The following IMMP2L variants were observed in gnomAD, a reference collection of about 807,000 sequenced individuals.
IMMP2L encodes the protein inner mitochondrial membrane peptidase subunit 2.
IMMP2L carries 18 observed loss-of-function variants against 19.3 expected under a neutral mutation model. The observed-to-expected ratio is 0.93, with a 90% confidence interval of 0.64 to 1.38. The LOEUF (loss-of-function observed/expected upper bound fraction) is 1.38, where lower values mean the gene tolerates loss of function less well. Among genes scored for constraint, IMMP2L ranks in the 40% most tolerant of loss-of-function variants. The pLI is 0.00. For missense variants in IMMP2L, 233 were observed against 218.2 expected (o/e 1.07, Z -0.43); for synonymous variants, 76 against 73.0 (o/e 1.04, Z -0.21).
At chr7:111,223,765 T>C (rs777228473) in intron 3 of IMMP2L, among the ~76,000 whole-genome samples, 3 of 152,116 alleles carry the variant, frequency 2.0e-5, no homozygotes, top group Non-Finnish European at 4.4e-5. Flanking sequence ...TTGGCTGATA[T>C]TTATTAAGTT....
intron 5 of IMMP2L, among the ~76,000 whole-genome samples, chr7:110,683,140 T>C (rs1408323308): frequency 6.6e-6 from 1 of 152,100 alleles, no homozygotes; most frequent in African/African-American, 2.4e-5. Context: ...ATAGAACATA[T>C]AAAGTTCTAG....
intron 3 of IMMP2L, among the ~76,000 whole-genome samples, chr7:110,980,959 T>C (rs930885472): frequency 6.6e-6 from 1 of 152,322 alleles, no homozygotes. Flanking sequence ...ATCAAGTTTT[T>C]AGTATTCTAG....
chr7:110,744,453 G>A (rs1446878924), intron 5 of IMMP2L, among the ~76,000 whole-genome samples: 1 of 152,204 alleles, frequency 6.6e-6, no homozygotes, highest in Non-Finnish European at 1.5e-5. Flanking sequence ...TCCTGACTAG[G>A]AGACACCTCC....
At chr7:110,820,861 C>G (rs944874708) in intron 5 of IMMP2L, among the ~76,000 whole-genome samples, 4 of 152,000 alleles carry the variant, frequency 2.6e-5, no homozygotes, top group Non-Finnish European at 2.9e-5. Flanking sequence ...TTGAACACAC[C>G]TTTTCAACTT....
At chr7:111,486,791 T>C (rs896029310) in intron 3 of IMMP2L, among the ~76,000 whole-genome samples, 4 of 152,142 alleles carry the variant, frequency 2.6e-5, no homozygotes, top group Admixed American at 6.5e-5. Context: ...AGTGCTAGTC[T>C]TTCAAACTTC....
At chr7:111,334,990 T>C (rs1425334510) in intron 3 of IMMP2L, among the ~76,000 whole-genome samples, 1 of 152,020 alleles carries the variant, frequency 6.6e-6, no homozygotes. Flanking sequence ...CACAGAGAGC[T>C]CTAACAAGAA....
intron 3 of IMMP2L, among the ~76,000 whole-genome samples, chr7:111,038,269 G>A (rs1321426248): frequency 6.6e-6 from 1 of 152,022 alleles, no homozygotes; most frequent in East Asian, 1.9e-4. Context: ...ACAATTTGGG[G>A]GTGGTAAAAA....
intron 3 of IMMP2L, among the ~76,000 whole-genome samples, chr7:111,040,691 T>C (rs1315254993): frequency 1.4e-5 from 2 of 147,836 alleles, no homozygotes; most frequent in African/African-American, 5.0e-5. Flanking sequence ...GAGTAAGAAT[T>C]TGATTTAAAT....
At chr7:110,960,160 C>A (rs1040367091) in intron 4 of IMMP2L, among the ~76,000 whole-genome samples, 7 of 151,858 alleles carry the variant, frequency 4.6e-5, no homozygotes, top group Non-Finnish European at 8.8e-5. Flanking sequence ...TGCTTTGGTG[C>A]TGCATTCTTT....
chr7:110,725,868 T>C (rs1331001138), intron 5 of IMMP2L: 1 of 152,244 alleles, frequency 6.6e-6, no homozygotes, highest in Non-Finnish European at 1.5e-5. Flanking sequence ...TAATCACAAG[T>C]ACTGCTACTG....
At chr7:111,215,484 T>C (rs1811837410) in intron 3 of IMMP2L, among the ~76,000 whole-genome samples, 1 of 152,282 alleles carries the variant, frequency 6.6e-6, no homozygotes, top group Non-Finnish European at 1.5e-5. Flanking sequence ...TACTTTTATA[T>C]TACAAGATCA....
At chr7:110,986,925 G>A (rs1382638731) in intron 3 of IMMP2L, among the ~76,000 whole-genome samples, 2 of 151,670 alleles carry the variant, frequency 1.3e-5, no homozygotes, top group East Asian at 1.9e-4. Flanking sequence ...TTCTTCTTGG[G>A]TCACCTATTT....
At chr7:111,536,783 T>C (rs534327856) in intron 1 of IMMP2L, among the ~76,000 whole-genome samples, 1 of 152,296 alleles carries the variant, frequency 6.6e-6, no homozygotes, top group East Asian at 1.9e-4. Flanking sequence ...TTGAATATTA[T>C]ATCAGCATAT....
intron 3 of IMMP2L, among the ~76,000 whole-genome samples, chr7:111,202,480 C>T (rs907771516): frequency 2.0e-5 from 3 of 152,118 alleles, no homozygotes; most frequent in African/African-American, 4.8e-5. Context: ...CCAAATAAAC[C>T]CAACGGGGCA....
rs149267844 is a variant in IMMP2L, at chr7:111,129,559, A to G, written c.240-165994T>C. ...ATTTTCACTACAGCTTTGCTTCTAT[A>G]TATCATTTTACCCTAACGAATGCAT... On this transcript the variant is annotated intron_variant, in intron 3 of 5. Transcript: ENST00000405709. Among the ~76,000 whole-genome samples the G allele has an allele frequency of 3.9e-4, 59 of 152,206 alleles. 1 individual carries two copies. The East Asian group carries it at 9.1e-3, about 23-fold the overall frequency.
intron 5 of IMMP2L, among the ~76,000 whole-genome samples, chr7:110,832,540 G>A (rs1804066790): frequency 6.6e-6 from 1 of 152,034 alleles, no homozygotes; most frequent in Non-Finnish European, 1.5e-5. Context: ...TAGCTTTTCT[G>A]TAGCTTTACT....
At chr7:110,697,030 A>G (rs1475030661) in intron 5 of IMMP2L, among the ~76,000 whole-genome samples, 1 of 152,146 alleles carries the variant, frequency 6.6e-6, no homozygotes, top group Non-Finnish European at 1.5e-5. Flanking sequence ...TGTTATGCAG[A>G]TGGTCTGTGA....
In IMMP2L at chr7:111,243,150, A is replaced by C. The variant is rs73201095; in HGVS notation, c.239+244088T>G. 7.1e-3 allele frequency among the ~76,000 whole-genome samples: 1,085 copies of C among 152,232 alleles called. 11 individuals carry two copies. Among genetic ancestry groups the C allele is most frequent in the Middle Eastern group, 0.02 (6 of 294 alleles). On this transcript the variant is annotated intron_variant, in intron 3 of 5. Transcript: ENST00000405709. ...TTGAGAAGAAACAACAGGAATTTTT[A>C]AATGTATGGCATGACGTTGCCTTGC...
chr7:110,670,455 C>T (rs372905487), intron 5 of IMMP2L, among the ~76,000 whole-genome samples: 7 of 152,010 alleles, frequency 4.6e-5, no homozygotes, highest in Non-Finnish European at 8.8e-5. Context: ...TTTGGGAGGC[C>T]GAGGTGGACA....
Sources: gnomAD v4.1 joint callset for allele counts (sites outside exome capture counted in the v4.1 genomes callset) on GRCh38, gnomAD v4.1.1 for gene constraint, MANE v1.5 for transcripts, NCBI Gene and HGNC (gene_info 2026-07-23, HGNC 2026-07-21) for gene names.